The following GTF2F2 variants were observed in gnomAD, a reference collection of about 807,000 sequenced individuals.
GTF2F2 encodes ATP-dependent helicase GTF2F2.
GTF2F2 carries 23 observed loss-of-function variants against 42.2 expected under a neutral mutation model. The observed-to-expected ratio is 0.55, with a 90% CI of 0.39 to 0.77. The LOEUF (loss-of-function observed/expected upper bound fraction) is 0.77. Ranked by LOEUF, GTF2F2 falls within the 30% of genes least tolerant of loss-of-function variation. The pLI, the probability that GTF2F2 is intolerant of heterozygous loss-of-function variation, is 0.00. For synonymous variants in GTF2F2, 105 were observed against 100.8 expected (o/e 1.04, Z -0.25); for missense variants, 261 against 287.2 (o/e 0.91, Z 0.66).
chr13:45,214,018 G>A (rs1873797938), intron 5 of GTF2F2, among the ~76,000 whole-genome samples: 1 of 152,172 alleles, frequency 6.6e-6, no homozygotes, highest in Admixed American at 6.5e-5. Context: ...CTATTCTTAA[G>A]TCAATGAGTC....
intron 5 of GTF2F2, among the ~76,000 whole-genome samples, chr13:45,251,779 G>A (rs890246826): frequency 1.3e-5 from 2 of 151,938 alleles, no homozygotes; most frequent in African/African-American, 4.8e-5. Context: ...AAATGCTTAT[G>A]TTTTACACTT....
At chr13:45,191,106 TCACGCCTGTAATCATAG>T in intron 4 of GTF2F2, among the ~76,000 whole-genome samples, 1 of 150,286 alleles carries the variant, frequency 6.7e-6, no homozygotes, top group African/African-American at 2.5e-5. Flanking sequence ...GCGCAGTGGC[TCACGCCTGTAATCATAG>T]CACTTTGGGA....
intron 5 of GTF2F2, among the ~76,000 whole-genome samples, chr13:45,229,409 G>A (rs1874554965): frequency 6.6e-6 from 1 of 151,898 alleles, no homozygotes. Context: ...CTCTTCCCAT[G>A]TGCTTCACTT....
In GTF2F2 at chr13:45,273,655, A is replaced by ATTTTTTTTTTTTTTTT. The variant is rs773254844; in HGVS notation, c.630+6281_630+6296dup. Among the ~76,000 whole-genome samples the ATTTTTTTTTTTTTTTT allele has an allele frequency of 4.3e-3, 538 of 123,720 alleles. 30 individuals carry two copies. The highest frequency in any genetic ancestry group is 5.6e-3 in the African/African-American group (159 of 28,362). 81.2% of individuals were successfully genotyped at this position (123,720 alleles called of 152,430 possible). ...CCACTTGATTTTAAAGAGTGGTAAA[A>ATTTTTTTTTTTTTTTT]TTTTTTTTTTTTTTTTTGAGACGGA... On this transcript the variant is annotated intron_variant, in intron 7 of 7. Transcript: ENST00000340473.
chr13:45,225,944 T>C (rs1374191886), intron 5 of GTF2F2, among the ~76,000 whole-genome samples: 2 of 152,120 alleles, frequency 1.3e-5, no homozygotes, highest in African/African-American at 4.8e-5. Context: ...AATCTTATTG[T>C]AATTAACTCA....
chr13:45,212,594 C>A (rs1873734623), intron 5 of GTF2F2, among the ~76,000 whole-genome samples: 1 of 150,878 alleles, frequency 6.6e-6, no homozygotes, highest in Non-Finnish European at 1.5e-5. Flanking sequence ...ACAAGTCTTG[C>A]TTGCTCTGTT....
rs932214810 is a variant in GTF2F2 at position 45,207,340 on chromosome 13, T to C, written c.305-84T>C. 1.2e-5 allele frequency: 9 copies of C among 749,690 alleles called. No individual in the cohort carries two copies. In the Admixed American group the frequency reaches 1.7e-4, roughly 14 times the overall value. 46.4% of individuals were successfully genotyped at this position (749,690 alleles called of 1,614,324 possible). A position where few individuals can be genotyped will look rare whatever the true frequency, so the allele number is the denominator to read the frequency against. On this transcript the variant is annotated intron_variant, in intron 4 of 7. Transcript: ENST00000340473. ...TTTTGATATTAATTATATTTGATTG[T>C]CATATTACTGTGTTTAGTGTGTCAA...
chr13:45,250,033 A>G lies in GTF2F2; in HGVS notation c.387-2838A>G, dbSNP rs374631765. Among the ~76,000 whole-genome samples the G allele has an allele frequency of 2.0e-5, 3 of 149,604 alleles. No homozygotes were observed. The East Asian group carries it at 5.9e-4, about 29-fold the overall frequency. The stretch of plus-strand genomic sequence containing the variant: ...TTCCTTGGAGGAATCATTTCCACCT[A>G]ATCTTTTTGCCTTATCTCTTTTTTT... On this transcript the variant is annotated intron_variant, in intron 5 of 7. Transcript: ENST00000340473.
intron 6 of GTF2F2, 49 bp from the exon 7 acceptor site, chr13:45,267,184 G>C (rs1460462286): frequency 6.8e-7 from 1 of 1,479,012 alleles, no homozygotes; most frequent in Non-Finnish European, 9.3e-7. Context: ...GTGTTTTAGA[G>C]TGAGCATGTT....
At chr13:45,168,323 T>C (rs1261134032) in intron 4 of GTF2F2, among the ~76,000 whole-genome samples, 1 of 152,200 alleles carries the variant, frequency 6.6e-6, no homozygotes, top group East Asian at 1.9e-4. Context: ...CCTGAGAGCT[T>C]CTCTTGCTGC....
At chr13:45,222,584 A>G (rs1395543082) in intron 5 of GTF2F2, among the ~76,000 whole-genome samples, 1 of 149,550 alleles carries the variant, frequency 6.7e-6, no homozygotes, top group Non-Finnish European at 1.5e-5. Flanking sequence ...GGTTAATACT[A>G]TAGGATGAGC....
chr13:45,178,609 ATTTTTTTC>A (rs1193554374), intron 4 of GTF2F2, among the ~76,000 whole-genome samples: 1 of 150,850 alleles, frequency 6.6e-6, no homozygotes, highest in Non-Finnish European at 1.5e-5. Context: ...CTTTCTTTAA[ATTTTTTTC>A]TTTTTTTCTT....
At chr13:45,203,624 A>C (rs566143187) in intron 4 of GTF2F2, among the ~76,000 whole-genome samples, 1 of 152,286 alleles carries the variant, frequency 6.6e-6, no homozygotes, top group East Asian at 1.9e-4. Context: ...CATACTTGCA[A>C]TTTAATGGGC....
rs1171495561 is a variant in GTF2F2, at chr13:45,149,787, A to G, written c.158A>G (p.Glu53Gly). Residue 53 changes from glutamate to glycine, a missense_variant and splice_region_variant, in exon 3 of 8, where the codon GAG becomes GGG. By Grantham distance (98) the Glu-to-Gly change is moderately conservative (BLOSUM62 -2). Coordinates refer to ENST00000340473, the MANE Select transcript of GTF2F2 (RefSeq NM_004128.3). Reference protein sequence around the residue: ...LRIAKTQGRTEVSFTLNEDLA... With the variant: ...LRIAKTQGRTGVSFTLNEDLA... ...TCCTTTAGGACTCAAGGAAGGACTGAGGTAAGATTATTTATATGGAAATTT... is the reference window on the plus strand; with the variant it reads ...TCCTTTAGGACTCAAGGAAGGACTGGGGTAAGATTATTTATATGGAAATTT... 6.7e-7 allele frequency: 1 copy of G among 1,502,708 alleles called. No homozygotes were observed. Among genetic ancestry groups the G allele is most frequent in the African/African-American group, 1.4e-5 (1 of 70,420 alleles). 93.1% of individuals were successfully genotyped at this position (1,502,708 alleles called of 1,614,324 possible). A position where few individuals can be genotyped will look rare whatever the true frequency, so the allele number is the denominator to read the frequency against.
Position 45,282,438 on chromosome 13 carries a change from C to A in GTF2F2, c.631-1004C>A, listed in dbSNP as rs1877304150. Reference sequence around the variant, plus strand: ...TAAAACACCATAATATGACTCTTTTCTTTGGAGAAGCCAAACACAAGGCTG... The same window carrying A: ...TAAAACACCATAATATGACTCTTTTATTTGGAGAAGCCAAACACAAGGCTG... On this transcript the variant is annotated intron_variant, in intron 7 of 7. Coordinates refer to ENST00000340473, the MANE Select transcript of GTF2F2 (RefSeq NM_004128.3). Among the ~76,000 whole-genome samples the A allele has an allele frequency of 3.3e-5, 5 of 152,212 alleles. No homozygotes were observed. The South Asian group carries it at 1.0e-3, about 32-fold the overall frequency.
intron 5 of GTF2F2, among the ~76,000 whole-genome samples, chr13:45,242,415 T>C (rs2138234947): frequency 6.6e-6 from 1 of 152,180 alleles, no homozygotes; most frequent in East Asian, 1.9e-4. Flanking sequence ...TCTCCCCCTT[T>C]CAAAAATGAA....
At chr13:45,201,530 C>CAAAGT (rs906729236) in intron 4 of GTF2F2, among the ~76,000 whole-genome samples, 5 of 152,130 alleles carry the variant, frequency 3.3e-5, no homozygotes, top group Admixed American at 1.3e-4. Flanking sequence ...ATAACTTCTC[C>CAAAGT]AAAGTAACAC....
At chr13:45,194,468 G>A (rs756414460) in intron 4 of GTF2F2, 11 of 1,613,988 alleles carry the variant, frequency 6.8e-6, no homozygotes, top group East Asian at 2.2e-5. Flanking sequence ...AGGGTCATCA[G>A]TGTGGATTTG....
At chr13:45,255,706 A>G (rs1876076388) in intron 6 of GTF2F2, among the ~76,000 whole-genome samples, 1 of 152,190 alleles carries the variant, frequency 6.6e-6, no homozygotes, top group Admixed American at 6.5e-5. Flanking sequence ...GTAAAACAGT[A>G]TAGATCTTAG....
Sources: gnomAD v4.1 joint callset for allele counts (sites outside exome capture counted in the v4.1 genomes callset) on GRCh38, gnomAD v4.1.1 for gene constraint, MANE v1.5 for transcripts, NCBI Gene and HGNC (gene_info 2026-07-23, HGNC 2026-07-21) for gene names.